The following DIAPH1 variants were observed in gnomAD, a reference collection of about 807,000 sequenced individuals.
The protein encoded by DIAPH1 is protein diaphanous homolog 1.
A neutral mutation model predicts 140.7 loss-of-function variants in DIAPH1; 46 were observed. The observed-to-expected ratio is 0.33, with a 90% confidence interval of 0.26 to 0.42. DIAPH1 has a LOEUF of 0.42. DIAPH1 is among the 10% of genes least tolerant of loss of function. The probability of loss-of-function intolerance (pLI) is 1.00; values close to 1 mark genes in which losing one functional copy is unlikely to be tolerated. For synonymous variants in DIAPH1, 565 were observed against 551.6 expected (o/e 1.02, Z -0.34); for missense variants, 1,310 against 1,558.7 (o/e 0.84, Z 2.69).
Position 141,580,899 on chromosome 5 carries a change from A to T in DIAPH1, c.685-16T>A, listed in dbSNP as rs745505838. ...TGATTCCAAACTGGTAGGACCAAGA[A>T]CAAAGAAAGGAGGCTGAAAGACGAA... On this transcript the variant is annotated splice_polypyrimidine_tract_variant and intron_variant, in intron 7 of 27. Transcript: ENST00000389054. 6.2e-7 allele frequency: 1 copy of T among 1,614,184 alleles called. No homozygotes were observed. Among genetic ancestry groups the T allele is most frequent in the South Asian group, 1.1e-5 (1 of 91,084 alleles).
chr5:141,557,239 A>G (rs2099892753), intron 18 of DIAPH1, among the ~76,000 whole-genome samples: 1 of 152,234 alleles, frequency 6.6e-6, no homozygotes, highest in South Asian at 2.1e-4. Context: ...TCTTCTTTTA[A>G]AAGTCCTAAT....
chr5:141,598,193 A>T (rs987842356), intron 1 of DIAPH1, among the ~76,000 whole-genome samples: 6 of 152,226 alleles, frequency 3.9e-5, no homozygotes, highest in Admixed American at 3.3e-4. Context: ...TACACATGTT[A>T]GATTTTTGTT....
intron 1 of DIAPH1, among the ~76,000 whole-genome samples, chr5:141,590,170 C>CATAT: frequency 1.3e-5 from 2 of 152,318 alleles, no homozygotes; most frequent in South Asian, 4.1e-4. Flanking sequence ...TCACGTTCCC[C>CATAT]ATATAACACA....
Position 141,587,186 on chromosome 5 carries a change from A to G in DIAPH1, c.156T>C (p.Phe52=), listed in dbSNP as rs750980704. ...KRLMADELER[F]TSMRIKKEKE... is the part of the protein sequence containing the mutation. ...TCTCCTTCTTAATTCTCATGCTGGT[A>G]AATCTCTCCAGCTGAGAAACAGAAA... The change falls in exon 3 of 28, where the codon TTT becomes TTC. Residue 52 remains phenylalanine (F), a synonymous_variant. Coordinates refer to ENST00000389054, the MANE Select transcript of DIAPH1 (RefSeq NM_005219.5). The G allele has an allele frequency of 6.2e-7, 1 of 1,614,022 alleles. No individual in the cohort carries two copies. The highest frequency in any genetic ancestry group is 2.2e-5 in the East Asian group (1 of 44,866).
intron 16 of DIAPH1, 60 bp from the exon 17 acceptor site, chr5:141,572,100 G>T: frequency 1.7e-6 from 2 of 1,205,992 alleles, no homozygotes; most frequent in Non-Finnish European, 2.5e-6. Context: ...TTCCGTCCTA[G>T]AAAACGGATG....
chr5:141,528,927 G>A lies in DIAPH1; in HGVS notation c.2793C>T (p.Pro931=). ...TGGCATTGAGGCGAGGCCGCAGTCGGGGCACAGTGCCCATCTAGTAAAGAA... is the reference window on the plus strand; with the variant it reads ...TGGCATTGAGGCGAGGCCGCAGTCGAGGCACAGTGCCCATCTAGTAAAGAA... ...EQFGVVMGTV[P]RLRPRLNAIL... Residue 931 remains proline (P), a synonymous_variant, in exon 22 of 28, where the codon CCC becomes CCT. Coordinates refer to ENST00000389054, the MANE Select transcript of DIAPH1 (RefSeq NM_005219.5). The A allele has an allele frequency of 1.9e-6, 3 of 1,613,802 alleles. No homozygotes were observed. Among genetic ancestry groups the A allele is most frequent in the Non-Finnish European group, 1.7e-6 (2 of 1,180,042 alleles).
chr5:141,594,546 AG>A (rs1425986861), intron 1 of DIAPH1, among the ~76,000 whole-genome samples: 3 of 152,214 alleles, frequency 2.0e-5, no homozygotes, highest in African/African-American at 7.2e-5. Context: ...GGTTGAGGCC[AG>A]ACTGGCCAAC....
intron 7 of DIAPH1, 94 bp from the exon 8 acceptor site, chr5:141,580,977 T>C (rs1168830987): frequency 1.3e-6 from 2 of 1,508,888 alleles, no homozygotes; most frequent in East Asian, 4.6e-5. Flanking sequence ...AATGGTGTCC[T>C]CTTAAATTCC....
chr5:141,597,045 A>G lies in DIAPH1; in HGVS notation c.118-8795T>C, dbSNP rs2099899430. 2.0e-5 allele frequency among the ~76,000 whole-genome samples: 3 copies of G among 152,350 alleles called. No homozygotes were observed. The South Asian group carries it at 6.2e-4, about 32-fold the overall frequency. On this transcript the variant is annotated intron_variant, in intron 1 of 27. Transcript: ENST00000389054. ...ATTAAGGAAATTCCCCAAAAAGTAC[A>G]GCAAAAAGATAAGAAAATTAGAAGA...
chr5:141,541,881 A>G (rs930882737), intron 18 of DIAPH1, among the ~76,000 whole-genome samples: 1 of 152,218 alleles, frequency 6.6e-6, no homozygotes. Flanking sequence ...CACTGATGAG[A>G]GAAATCAAAG....
At position 141,576,739 on chromosome 5, in the gene DIAPH1, T is replaced by C. The variant is rs748026039; in HGVS notation, c.1396+17A>G. 6.6e-7 allele frequency: 1 copy of C among 1,507,162 alleles called. No individual in the cohort carries two copies. The highest frequency in any genetic ancestry group is 1.1e-5 in the South Asian group (1 of 88,944). 93.4% of individuals were successfully genotyped at this position (1,507,162 alleles called of 1,614,324 possible). A position where few individuals can be genotyped will look rare whatever the true frequency, so the allele number is the denominator to read the frequency against. ...AGAAGCAATACTTGGAGGAGCCAGA[T>C]AGAAGAGTATGCTTACCAATTAATC... is the stretch of plus-strand genomic sequence containing the variant. On this transcript the variant is annotated intron_variant, in intron 13 of 27. Coordinates refer to ENST00000389054, the MANE Select transcript of DIAPH1 (RefSeq NM_005219.5).
At chr5:141,614,604 T>A (rs2099902360) in intron 1 of DIAPH1, among the ~76,000 whole-genome samples, 1 of 152,218 alleles carries the variant, frequency 6.6e-6, no homozygotes, top group East Asian at 1.9e-4. Flanking sequence ...TCTAAGGCAT[T>A]CCCTCACTTT....
chr5:141,540,953 T>A (rs1009951047), intron 18 of DIAPH1, among the ~76,000 whole-genome samples: 4 of 152,030 alleles, frequency 2.6e-5, no homozygotes, highest in Admixed American at 6.5e-5. Context: ...CCAGCTACTC[T>A]GGAGGCTGAG....
At chr5:141,559,143 G>A (rs750405015) in intron 18 of DIAPH1, among the ~76,000 whole-genome samples, 27 of 151,914 alleles carry the variant, frequency 1.8e-4, no homozygotes, top group Non-Finnish European at 1.8e-4. Context: ...TCTAATTCTG[G>A]GAAGAGGAGA....
At chr5:141,543,923 T>C (rs1285429530) in intron 18 of DIAPH1, among the ~76,000 whole-genome samples, 1 of 152,120 alleles carries the variant, frequency 6.6e-6, no homozygotes, top group African/African-American at 2.4e-5. Flanking sequence ...TAGAACTAAA[T>C]GGAAAACCTA....
rs373871535 is a variant in DIAPH1 at position 141,541,789 on chromosome 5, A to AAAG, written c.2483-7359_2483-7357dup. On this transcript the variant is annotated intron_variant, in intron 18 of 27. Transcript: ENST00000389054. ...AGACAAAAGCAAATAAATAAATAGA[A>AAAG]AAGAGAAAGAAACACTTCAGTTACA... 7.7e-3 allele frequency among the ~76,000 whole-genome samples: 1,165 copies of AAAG among 152,274 alleles called. 21 individuals are homozygous for AAAG. The highest frequency in any genetic ancestry group is 0.027 in the African/African-American group (1,107 of 41,562).
chr5:141,533,742 T>C (rs1017493940), intron 19 of DIAPH1, among the ~76,000 whole-genome samples: 1 of 152,046 alleles, frequency 6.6e-6, no homozygotes, highest in South Asian at 2.1e-4. Flanking sequence ...AGACCATCTG[T>C]GGTAGACTTT....
intron 1 of DIAPH1, among the ~76,000 whole-genome samples, chr5:141,609,661 T>C (rs922589136): frequency 1.3e-5 from 2 of 152,264 alleles, no homozygotes; most frequent in Admixed American, 6.5e-5. Context: ...ACTGCTTTTA[T>C]TACTGCTACT....
chr5:141,587,400 T>G, intron 2 of DIAPH1: 1 of 609,018 alleles, frequency 1.6e-6, no homozygotes, highest in Admixed American at 2.9e-5. Flanking sequence ...CTCATCTATG[T>G]TCAAAGATAA....
Sources: allele counts gnomAD v4.1 joint callset (sites outside exome capture counted in the v4.1 genomes callset), GRCh38; gene constraint gnomAD v4.1.1; transcripts MANE v1.5; gene names NCBI Gene and HGNC (gene_info 2026-07-23, HGNC 2026-07-21).